Variants in OPA1 observed in about 807,000 individuals in gnomAD.
The protein encoded by OPA1 is OPA1 mitochondrial dynamin like GTPase.
OPA1 carries 59 observed loss-of-function variants against 152.9 expected under a neutral mutation model. The observed-to-expected ratio is 0.39, with a 90% confidence interval of 0.31 to 0.48. The LOEUF (loss-of-function observed/expected upper bound fraction) is 0.48. Ranked by LOEUF, OPA1 falls within the 20% of genes least tolerant of loss-of-function variation. The pLI, the probability that OPA1 is intolerant of heterozygous loss-of-function variation, is 0.96. For synonymous variants in OPA1, 400 were observed against 389.9 expected (o/e 1.03, Z -0.31); for missense variants, 1,008 against 1,216.8 (o/e 0.83, Z 2.55).
At chr3:193,686,733 C>T (rs776527912) in intron 29 of OPA1, among the ~76,000 whole-genome samples, 5 of 152,066 alleles carry the variant, frequency 3.3e-5, no homozygotes, top group East Asian at 1.9e-4. Context: ...TAATAAGAAG[C>T]GTTCCTTTAC....
intron 29 of OPA1, among the ~76,000 whole-genome samples, chr3:193,672,767 G>T (rs1293827607): frequency 6.6e-6 from 1 of 151,810 alleles, no homozygotes; most frequent in Admixed American, 6.6e-5. Flanking sequence ...TACTCGGGAG[G>T]CTGAGACAGG....
rs889170853 is a variant in OPA1, at chr3:193,697,105, G to T, written c.*2505G>T. 1 of 152,226 alleles carries T rather than the reference G, an allele frequency of 6.6e-6. No individual in the cohort carries two copies. Among genetic ancestry groups the T allele is most frequent in the African/African-American group, 2.4e-5 (1 of 41,470 alleles). The allele number at this position is 152,226 out of a possible 1,614,324, so 9.4% of individuals were successfully genotyped here. On this transcript the variant is annotated 3_prime_UTR_variant, in exon 31 of 31. Transcript: ENST00000361510. ...GAGTGGTGCTTCCCAGCCTCACAAT[G>T]TGGGAATTTGACATAGGATGAGAGT...
At chr3:193,601,576 C>A (rs1726471036) in intron 1 of OPA1, among the ~76,000 whole-genome samples, 1 of 152,158 alleles carries the variant, frequency 6.6e-6, no homozygotes, top group African/African-American at 2.4e-5. Flanking sequence ...TTTTCTATGG[C>A]CCCTTTGTAG....
intron 1 of OPA1, among the ~76,000 whole-genome samples, chr3:193,607,945 G>A (rs1453511522): frequency 6.6e-6 from 1 of 152,086 alleles, no homozygotes; most frequent in African/African-American, 2.4e-5. Flanking sequence ...CTTGAGCAGT[G>A]GTTTGTAGTT....
At chr3:193,600,630 G>A (rs947545921) in intron 1 of OPA1, among the ~76,000 whole-genome samples, 5 of 152,238 alleles carry the variant, frequency 3.3e-5, no homozygotes, top group Non-Finnish European at 7.3e-5. Flanking sequence ...AGAGTCTTCA[G>A]TTGGAGTATG....
chr3:193,669,778 T>G (rs1052985453), intron 29 of OPA1, among the ~76,000 whole-genome samples: 1 of 152,216 alleles, frequency 6.6e-6, no homozygotes, highest in Non-Finnish European at 1.5e-5. Context: ...GTAGAGGCTT[T>G]GCAACCCCAT....
chr3:193,692,042 T>C (rs1721755634), intron 29 of OPA1, 21 bp from the exon 30 acceptor site: 2 of 1,355,636 alleles, frequency 1.5e-6, no homozygotes, highest in East Asian at 2.4e-5. Context: ...TAAATGTTTT[T>C]CTTTATTTTT....
intron 29 of OPA1, among the ~76,000 whole-genome samples, chr3:193,677,291 C>CTTTTTTTTTT (rs752472474): frequency 1.7e-4 from 21 of 125,432 alleles, no homozygotes; most frequent in Non-Finnish European, 2.0e-4. Flanking sequence ...TCTTTTACTT[C>CTTTTTTTTTT]TTTTTTTTTT....
At chr3:193,596,321 C>CTTTCCTTTCCTTTCCTTTCT (rs1560301226) in intron 1 of OPA1, among the ~76,000 whole-genome samples, 2 of 95,898 alleles carry the variant, frequency 2.1e-5, no homozygotes, top group African/African-American at 7.1e-5. Context: ...CTTTCCTTTC[C>CTTTCCTTTCCTTTCCTTTCT]TTTCCTTTCC....
chr3:193,655,629 C>A (rs1474247261), intron 22 of OPA1, among the ~76,000 whole-genome samples: 1 of 152,128 alleles, frequency 6.6e-6, no homozygotes, highest in Non-Finnish European at 1.5e-5. Flanking sequence ...AAAATGGTGA[C>A]AATAATGTTG....
At chr3:193,622,834 T>C (rs1730394337) in intron 6 of OPA1, among the ~76,000 whole-genome samples, 1 of 152,166 alleles carries the variant, frequency 6.6e-6, no homozygotes, top group Non-Finnish European at 1.5e-5. Context: ...TTTAACTCGG[T>C]AGAGTAGAGG....
At chr3:193,611,596 C>CAAAAAA (rs35159597) in intron 1 of OPA1, among the ~76,000 whole-genome samples, 3 of 68,794 alleles carry the variant, frequency 4.4e-5, no homozygotes, top group East Asian at 4.1e-4. Flanking sequence ...GACTCCACCT[C>CAAAAAA]AAAAAAAAAA....
At chr3:193,610,252 A>G (rs1333461386) in intron 1 of OPA1, among the ~76,000 whole-genome samples, 4 of 152,094 alleles carry the variant, frequency 2.6e-5, no homozygotes, top group Non-Finnish European at 4.4e-5. Flanking sequence ...TTTCCTTCTA[A>G]CAGTCAGGAC....
chr3:193,634,720 T>C (rs1365866007), intron 8 of OPA1, among the ~76,000 whole-genome samples: 1 of 152,204 alleles, frequency 6.6e-6, no homozygotes, highest in African/African-American at 2.4e-5. Context: ...TATCATTTTT[T>C]GAAATAGTAA....
intron 8 of OPA1, among the ~76,000 whole-genome samples, chr3:193,634,838 C>T (rs1290099047): frequency 6.6e-6 from 1 of 152,192 alleles, no homozygotes; most frequent in Non-Finnish European, 1.5e-5. Context: ...TGGTCAGGCT[C>T]TCAGATATTC....
chr3:193,630,207 TC>T (rs1384193641), intron 7 of OPA1, among the ~76,000 whole-genome samples: 6 of 152,188 alleles, frequency 3.9e-5, no homozygotes, highest in African/African-American at 1.4e-4. Flanking sequence ...TTCTTGTCCA[TC>T]CTGCATAAAC....
intron 8 of OPA1, among the ~76,000 whole-genome samples, chr3:193,633,785 CA>C: frequency 6.6e-6 from 1 of 152,210 alleles, no homozygotes. Flanking sequence ...AGGCCAGCCA[CA>C]TTTCAGGTGC....
chr3:193,686,602 CT>C (rs1720967710), intron 29 of OPA1, among the ~76,000 whole-genome samples: 1 of 151,900 alleles, frequency 6.6e-6, no homozygotes, highest in South Asian at 2.1e-4. Context: ...TCTTGTTTAC[CT>C]TTTTTCCTTT....
chr3:193,662,165 A>G (rs1715424146), intron 25 of OPA1, among the ~76,000 whole-genome samples: 1 of 152,222 alleles, frequency 6.6e-6, no homozygotes, highest in African/African-American at 2.4e-5. Flanking sequence ...ACACAGTATA[A>G]GAATCTTGTT....
Sources: gnomAD v4.1 joint callset for allele counts (sites outside exome capture counted in the v4.1 genomes callset) on GRCh38, gnomAD v4.1.1 for gene constraint, MANE v1.5 for transcripts, NCBI Gene and HGNC (gene_info 2026-07-23, HGNC 2026-07-21) for gene names.